The following TEX9 variants were observed in gnomAD, a reference collection of about 807,000 sequenced individuals.
The protein encoded by TEX9 is testis expressed 9.
In TEX9, 74 loss-of-function variants were observed where a neutral mutation model predicts 59.6. The ratio of observed to expected loss-of-function variants is 1.24; its 90% CI spans 1.03 to 1.51. TEX9 has a LOEUF of 1.51. Ranked by LOEUF, TEX9 falls within the 40% of genes most tolerant of loss-of-function variation. The pLI, the probability that TEX9 is intolerant of heterozygous loss-of-function variation, is 0.00. For missense variants in TEX9, 522 were observed against 447.8 expected (o/e 1.17, Z -1.49); for synonymous variants, 186 against 152.2 (o/e 1.22, Z -1.64).
At chr15:56,325,206 G>A (rs1201467590) in intron 1 of TEX9, among the ~76,000 whole-genome samples, 2 of 152,142 alleles carry the variant, frequency 1.3e-5, no homozygotes, top group African/African-American at 2.4e-5. Context: ...GAATCATATA[G>A]TCCGCTTATT....
intron 9 of TEX9, among the ~76,000 whole-genome samples, chr15:56,400,721 A>G (rs569977310): frequency 6.6e-6 from 1 of 152,210 alleles, no homozygotes; most frequent in Non-Finnish European, 1.5e-5. Context: ...AAAAATGTTA[A>G]GGGCAGCCAG....
chr15:56,358,939 T>G (rs938491665), intron 1 of TEX9, among the ~76,000 whole-genome samples: 1 of 152,180 alleles, frequency 6.6e-6, no homozygotes, highest in South Asian at 2.1e-4. Flanking sequence ...CCGCCATGAT[T>G]GTTAAGTTTC....
chr15:56,332,773 G>C (rs578238343), intron 1 of TEX9, among the ~76,000 whole-genome samples: 3 of 151,994 alleles, frequency 2.0e-5, no homozygotes, highest in African/African-American at 7.2e-5. Flanking sequence ...CAAACCGTTA[G>C]CCAGAATAAC....
At chr15:56,365,442 T>C (rs779087359) in exon 1 of TEX9, 1 of 1,609,508 alleles carries the variant, frequency 6.2e-7, no homozygotes, top group Non-Finnish European at 8.5e-7. Context: ...CGCGTCGCAG[T>C]CGCCGAAGAT....
At position 56,300,439 on chromosome 15, in the gene TEX9, C is replaced by A. The variant is rs185521916; in HGVS notation, c.-107+56161C>A. Among the ~76,000 whole-genome samples, 152 of 152,232 alleles carry A rather than the reference C, an allele frequency of 1.0e-3. 1 individual carries two copies. The highest frequency in any genetic ancestry group is 1.7e-3 in the Non-Finnish European group (115 of 68,010). On this transcript the variant is annotated intron_variant, in intron 1 of 5. Coordinates refer to the TEX9 transcript ENST00000560827. ...GGACCCACCCTGGGCTCAGGTGGAGCTTGTTGCCTTGAAGTTCCCATGCAT... is the reference window on the plus strand; with the variant it reads ...GGACCCACCCTGGGCTCAGGTGGAGATTGTTGCCTTGAAGTTCCCATGCAT...
chr15:56,297,063 G>T (rs1439631720), intron 1 of TEX9, among the ~76,000 whole-genome samples: 2 of 152,038 alleles, frequency 1.3e-5, no homozygotes, highest in South Asian at 2.1e-4. Context: ...ACAGGAAACA[G>T]AAAAGGAAGA....
At chr15:56,268,379 G>C (rs1362980742) in intron 1 of TEX9, among the ~76,000 whole-genome samples, 1 of 152,194 alleles carries the variant, frequency 6.6e-6, no homozygotes, top group African/African-American at 2.4e-5. Context: ...AGAGTGGTAA[G>C]AGAGGGAATC....
At position 56,412,441 on chromosome 15, in the gene TEX9, G is replaced by A. The variant is rs777591094; in HGVS notation, c.963+5G>A. ...AAATTAAGGCAAAATAACAAGGTAT[G>A]GAAAAATTGAATAGCTTTTGTAGTG... On this transcript the variant is annotated splice_donor_5th_base_variant and intron_variant, in intron 10 of 12. Transcript: ENST00000352903. 6.2e-7 allele frequency: 1 copy of A among 1,602,986 alleles called. No individual in the cohort carries two copies. The highest frequency in any genetic ancestry group is 8.5e-7 in the Non-Finnish European group (1 of 1,177,054).
chr15:56,249,770 A>AAAAAG, intron 1 of TEX9, among the ~76,000 whole-genome samples: 1 of 142,880 alleles, frequency 7.0e-6, no homozygotes, highest in Non-Finnish European at 1.5e-5. Flanking sequence ...AAAAAAAAAG[A>AAAAAG]GGAAAGAAGA....
At chr15:56,248,861 A>G (rs1490212069) in intron 1 of TEX9, 3 of 152,234 alleles carry the variant, frequency 2.0e-5, no homozygotes, top group East Asian at 1.9e-4. Flanking sequence ...ACCAGAGCCA[A>G]TCCCACAGTG....
chr15:56,427,708 T>A lies in TEX9; in HGVS notation c.1067T>A (p.Leu356Ter). Residue 356 changes from leucine (L) to a stop codon, truncating the protein, a stop_gained, in exon 11 of 13, where the codon TTA becomes TAA. Coordinates refer to ENST00000352903, the Ensembl canonical transcript of TEX9. LOFTEE classifies it high-confidence loss of function. ...TTAATGATAGGGTTCAAGAAACAGT[T>A]AAAATTAATTGATGTTTTAAAAAGG... is the stretch of plus-strand genomic sequence containing the variant. The A allele has an allele frequency of 1.3e-6, 2 of 1,499,780 alleles. No homozygotes were observed. Among genetic ancestry groups the A allele is most frequent in the South Asian group, 1.4e-5 (1 of 72,472 alleles). The allele number at this position is 1,499,780 out of a possible 1,614,324, so 92.9% of individuals were successfully genotyped here.
intron 1 of TEX9, among the ~76,000 whole-genome samples, chr15:56,256,369 A>G (rs1374882291): frequency 1.3e-5 from 2 of 152,102 alleles, no homozygotes; most frequent in Non-Finnish European, 2.9e-5. Context: ...AACAATAAGA[A>G]TGACAGTGAA....
chr15:56,394,708 A>G, exon 9 of TEX9: 2 of 1,609,368 alleles, frequency 1.2e-6, no homozygotes, highest in South Asian at 1.1e-5. Context: ...ATTTTGAAGA[A>G]GATTTTATGA....
At chr15:56,429,931 ATAATT>A (rs2050527407) in intron 12 of TEX9, 1 of 152,188 alleles carries the variant, frequency 6.6e-6, no homozygotes, top group South Asian at 2.1e-4. Flanking sequence ...CCTACAATTT[ATAATT>A]TAGTTTATGA....
In TEX9 at chr15:56,327,582, T is replaced by C. The variant is rs554485293; in HGVS notation, c.-106-45859T>C. 2.0e-5 allele frequency among the ~76,000 whole-genome samples: 3 copies of C among 152,258 alleles called. No homozygotes were observed. In the South Asian group the frequency reaches 6.2e-4, roughly 32 times the overall value. On this transcript the variant is annotated intron_variant, in intron 1 of 5. Transcript: ENST00000560827. ...ACAATACCTGATTTTAACTTCATAC[T>C]GAAAGAAGCACTGAAGAGGGTAAGA...
intron 12 of TEX9, among the ~76,000 whole-genome samples, chr15:56,432,986 T>G (rs1222994504): frequency 6.6e-6 from 1 of 152,222 alleles, no homozygotes. Flanking sequence ...ATATAAGTAT[T>G]TAGTTTTACG....
At chr15:56,245,593 G>T (rs1250567924) in intron 1 of TEX9, among the ~76,000 whole-genome samples, 1 of 152,158 alleles carries the variant, frequency 6.6e-6, no homozygotes, top group African/African-American at 2.4e-5. Context: ...AAGCTTTGAA[G>T]GATAAAAATA....
rs1185556569 is a variant in TEX9 at position 56,262,630 on chromosome 15, A to C, written c.-107+18352A>C. Among the ~76,000 whole-genome samples the C allele has an allele frequency of 3.9e-5, 6 of 152,328 alleles. No individual in the cohort carries two copies. In the East Asian group the frequency reaches 9.6e-4, roughly 24 times the overall value. On this transcript the variant is annotated intron_variant, in intron 1 of 5. Transcript: ENST00000560827. ...ATCAAGTAGGTCAAATTGGTTAATC[A>C]TTTTGTTCAAATATTCTATATAATT...
chr15:56,401,333 CAG>C (rs775690654), intron 9 of TEX9, among the ~76,000 whole-genome samples: 31 of 64,424 alleles, frequency 4.8e-4, no homozygotes, highest in East Asian at 1.9e-3. Context: ...AAAAAAAAAA[CAG>C]GGGTTGCAAT....
Sources: allele counts gnomAD v4.1 joint callset (sites outside exome capture counted in the v4.1 genomes callset), GRCh38; gene constraint gnomAD v4.1.1; transcripts MANE v1.5; gene names NCBI Gene and HGNC (gene_info 2026-07-23, HGNC 2026-07-21).